Variants in REELD1 observed in about 807,000 individuals in gnomAD.
The protein encoded by REELD1 is reelin domain-containing protein 1.
Under a neutral mutation model 6.3 loss-of-function variants are expected in REELD1, and 12 were observed. The ratio of observed to expected loss-of-function variants is 1.89; its 90% CI spans 1.21 to 3.07. REELD1 has a LOEUF of 3.07. Among genes scored for constraint, REELD1 ranks in the 30% most tolerant of loss-of-function variants. The pLI is 0.00. For synonymous variants in REELD1, 57 were observed against 33.6 expected (o/e 1.70, Z -2.42); for missense variants, 163 against 86.8 (o/e 1.88, Z -3.49).
At chr4:146,218,487 A>G (rs929724535) in intron 3 of REELD1, among the ~76,000 whole-genome samples, 3 of 152,234 alleles carry the variant, frequency 2.0e-5, no homozygotes, top group Admixed American at 6.5e-5. Context: ...TTCTTTTGAT[A>G]GGAACTAAAG....
chr4:146,217,141 A>G lies in REELD1; in HGVS notation c.189A>G (p.Ala63=), dbSNP rs1730841928. 1 of 399,542 alleles carries G rather than the reference A, an allele frequency of 2.5e-6. No homozygotes were observed. The highest frequency in any genetic ancestry group is 4.4e-5 in the Admixed American group (1 of 22,710). The allele number at this position is 399,542 out of a possible 1,614,324, so 24.7% of individuals were successfully genotyped here. A position where few individuals can be genotyped will look rare whatever the true frequency, so the allele number is the denominator to read the frequency against. Residue 63 remains alanine, a synonymous_variant, in exon 3 of 8, where the codon GCA becomes GCG. Transcript: ENST00000623665. Reference sequence around the variant, plus strand: ...TCCACACCCACAGGACTTCCTATGCACCAGGTGACAAGATTCCAGGTATGT... The same window carrying G: ...TCCACACCCACAGGACTTCCTATGCGCCAGGTGACAAGATTCCAGGTATGT... ...ITIHTHRTSY[A]PGDKIPVTVR...
At chr4:146,228,781 T>C (rs906915066) in intron 6 of REELD1, among the ~76,000 whole-genome samples, 10 of 152,112 alleles carry the variant, frequency 6.6e-5, no homozygotes, top group African/African-American at 1.9e-4. Flanking sequence ...ATTTTAAATA[T>C]ATTTATAATA....
intron 4 of REELD1, among the ~76,000 whole-genome samples, chr4:146,222,953 C>A (rs1182455132): frequency 6.6e-6 from 1 of 152,098 alleles, no homozygotes; most frequent in African/African-American, 2.4e-5. Context: ...ATGGACACGT[C>A]CCTGGGCCCA....
chr4:146,228,932 G>A, intron 6 of REELD1, 93 bp from the exon 7 acceptor site: 1 of 686,876 alleles, frequency 1.5e-6, no homozygotes, highest in South Asian at 1.6e-5. Context: ...AAGTGAATCT[G>A]TTGCCATCTG....
chr4:146,223,083 G>A (rs547986201), intron 4 of REELD1, among the ~76,000 whole-genome samples: 2 of 152,188 alleles, frequency 1.3e-5, no homozygotes, highest in Non-Finnish European at 2.9e-5. Flanking sequence ...AGAGTTCCTG[G>A]CAACAGTAAG....
rs145149208 is a variant in REELD1 at position 146,228,060 on chromosome 4, G to A, written c.596-150G>A. 6.6e-5 allele frequency: 40 copies of A among 602,798 alleles called. No individual in the cohort carries two copies. The African/African-American group carries it at 6.8e-4, about 10-fold the overall frequency. The allele number at this position is 602,798 out of a possible 1,614,324, so 37.3% of individuals were successfully genotyped here. ...GTATGATCAGGCAGGTCATCTTTAT[G>A]CTGACACTTTTAAGTGCCTCACACT... On this transcript the variant is annotated intron_variant, in intron 5 of 7. Coordinates refer to ENST00000623665, the MANE Select transcript of REELD1 (RefSeq NM_001354631.1).
At chr4:146,223,966 CA>C (rs1174064303) in intron 4 of REELD1, among the ~76,000 whole-genome samples, 4 of 152,086 alleles carry the variant, frequency 2.6e-5, no homozygotes, top group African/African-American at 9.7e-5. Flanking sequence ...AATTGCTTTT[CA>C]AAAAATTATT....
chr4:146,228,739 T>C (rs1731072777), intron 6 of REELD1, among the ~76,000 whole-genome samples: 1 of 152,186 alleles, frequency 6.6e-6, no homozygotes, highest in African/African-American at 2.4e-5. Flanking sequence ...TGAGGTGCTG[T>C]TATAAGTAAA....
At chr4:146,228,083 A>G in intron 5 of REELD1, 127 bp from the exon 6 acceptor site, 3 of 611,664 alleles carry the variant, frequency 4.9e-6, no homozygotes, top group Non-Finnish European at 8.8e-6. Context: ...AGTGCCTCAC[A>G]CTTAATGGTC....
chr4:146,214,876 A>G (rs1271715802), intron 1 of REELD1, among the ~76,000 whole-genome samples, 182 bp downstream of exon 1: 1 of 152,032 alleles, frequency 6.6e-6, no homozygotes. Context: ...TCAGGTAGAC[A>G]AGATGCTAGT....
intron 6 of REELD1, 26 bp downstream of exon 6, chr4:146,228,548 G>C (rs1731069356): frequency 1.4e-6 from 1 of 691,136 alleles, no homozygotes; most frequent in Non-Finnish European, 2.6e-6. Flanking sequence ...GGGCCATTCA[G>C]GACAGGTGAT....
At chr4:146,226,481 G>T (rs932098682) in intron 5 of REELD1, among the ~76,000 whole-genome samples, 2 of 152,156 alleles carry the variant, frequency 1.3e-5, no homozygotes, top group Non-Finnish European at 2.9e-5. Flanking sequence ...CAAGATGAAG[G>T]CACCATCAGA....
At chr4:146,225,534 C>G (rs1253654815) in intron 5 of REELD1, among the ~76,000 whole-genome samples, 1 of 152,096 alleles carries the variant, frequency 6.6e-6, no homozygotes, top group Non-Finnish European at 1.5e-5. Flanking sequence ...CTTCTATTAC[C>G]CAGCACAACT....
intron 3 of REELD1, among the ~76,000 whole-genome samples, chr4:146,219,637 T>A (rs971078247): frequency 7.2e-5 from 11 of 152,168 alleles, no homozygotes; most frequent in African/African-American, 2.7e-4. Flanking sequence ...TTAAAAAAAA[T>A]TTTAAATAGC....
chr4:146,224,540 G>T lies in REELD1; in HGVS notation c.527G>T (p.Arg176Leu). ...CATAGCAGCGCCCATTCTGACGACC[G>T]CATGGAGCCCAGATTGCTGATGCCA... Reference protein sequence around the residue: ...QTHSSAHSDDRMEPRLLMPNL... With the variant: ...QTHSSAHSDDLMEPRLLMPNL... The change falls in exon 5 of 8, where the codon CGC becomes CTC. Residue 176 changes from arginine to leucine, a missense_variant. By Grantham distance (102) the Arg-to-Leu change is moderately radical. Transcript: ENST00000623665. 1 of 701,876 alleles carries T rather than the reference G, an allele frequency of 1.4e-6. No homozygotes were observed. The highest frequency in any genetic ancestry group is 1.5e-5 in the South Asian group (1 of 67,502). The allele number at this position is 701,876 out of a possible 1,614,324, so 43.5% of individuals were successfully genotyped here.
rs1731141433 is a variant in REELD1 at position 146,232,099 on chromosome 4, A to C, written c.*1586A>C. The C allele has an allele frequency of 6.6e-6, 1 of 152,238 alleles. No homozygotes were observed. The highest frequency in any genetic ancestry group is 2.1e-4 in the South Asian group (1 of 4,828). The allele number at this position is 152,238 out of a possible 1,614,324, so 9.4% of individuals were successfully genotyped here. On this transcript the variant is annotated 3_prime_UTR_variant, in exon 8 of 8. Transcript: ENST00000623665. ...GGGACCCCATTAGTGGAGAGCTTTC[A>C]TCTGGCCACATCACATCAGAGCCAG...
chr4:146,229,340 T>A (rs1006967554), intron 7 of REELD1, among the ~76,000 whole-genome samples: 1 of 152,228 alleles, frequency 6.6e-6, no homozygotes, highest in African/African-American at 2.4e-5. Context: ...AGTTAATAAT[T>A]ACTCTCTTCT....
rs1360646565 is a variant in REELD1 at position 146,228,422 on chromosome 4, A to G, written c.808A>G (p.Thr270Ala). 6 of 702,324 alleles carry G rather than the reference A, an allele frequency of 8.5e-6. No homozygotes were observed. The highest frequency in any genetic ancestry group is 1.6e-5 in the Non-Finnish European group (6 of 384,958). The allele number at this position is 702,324 out of a possible 1,614,324, so 43.5% of individuals were successfully genotyped here. ...GCAACCCAGCGGGGACAGCAATCCC[A>G]CCCTAGAGCCGTCCCTGGAGGTCCA... ...NQQPSGDSNPTLEPSLEVHRL... is the reference protein window; with the variant it reads ...NQQPSGDSNPALEPSLEVHRL... The change falls in exon 6 of 8, where the codon ACC becomes GCC. Residue 270 changes from threonine to alanine, a missense_variant. Thr to Ala is a moderately conservative substitution (Grantham distance 58). Transcript: ENST00000623665.
intron 3 of REELD1, among the ~76,000 whole-genome samples, chr4:146,219,156 TCAAA>T (rs1000035014): frequency 5.9e-5 from 9 of 152,108 alleles, no homozygotes; most frequent in South Asian, 2.1e-4. Context: ...AGACTCTGTC[TCAAA>T]CAAACAAACA....
Sources: gnomAD v4.1 joint callset for allele counts (sites outside exome capture counted in the v4.1 genomes callset) on GRCh38, gnomAD v4.1.1 for gene constraint, MANE v1.5 for transcripts, NCBI Gene and HGNC (gene_info 2026-07-23, HGNC 2026-07-21) for gene names.